The following ALG9 variants were observed in gnomAD, a reference collection of about 807,000 sequenced individuals.
The protein encoded by ALG9 is ALG9 alpha-1,2-mannosyltransferase, also known as alpha-1,2-mannosyltransferase ALG9.
In ALG9, 55 loss-of-function variants were observed where a neutral mutation model predicts 81.8. The ratio of observed to expected loss-of-function variants is 0.67; its 90% CI spans 0.54 to 0.84. The LOEUF (loss-of-function observed/expected upper bound fraction) is 0.84. Ranked by LOEUF, ALG9 falls within the 40% of genes least tolerant of loss-of-function variation. The pLI is 0.00. For synonymous variants in ALG9, 278 were observed against 274.3 expected, an observed-to-expected ratio of 1.01 and a Z score of -0.13; for missense variants, 629 against 745.0, an observed-to-expected ratio of 0.84 and a Z score of 1.81.
chr11:111,840,847 T>G, intron 9 of ALG9, 38 bp from the exon 10 acceptor site: 1 of 1,611,146 alleles, frequency 6.2e-7, no homozygotes. Context: ...TTCATTATAT[T>G]AGAACAAAAC....
downstream of ALG9, chr11:111,782,103 G>A (rs187800519): frequency 1.2e-3 from 178 of 152,354 alleles, no homozygotes; most frequent in African/African-American, 4.1e-3. Context: ...TAGGGCTGGA[G>A]TCAGGGAGAA....
chr11:111,829,752 C>T (rs1245909556), intron 13 of ALG9, among the ~76,000 whole-genome samples: 1 of 152,160 alleles, frequency 6.6e-6, no homozygotes, highest in South Asian at 2.1e-4. Flanking sequence ...GTAACAGAAA[C>T]TTTGTCAGGG....
At chr11:111,779,992 G>A (rs1945840470), downstream of ALG9, among the ~76,000 whole-genome samples, 1 of 152,186 alleles carries the variant, frequency 6.6e-6, no homozygotes, top group Non-Finnish European at 1.5e-5. Context: ...ATCCACAGCT[G>A]AAGAGAGCCA....
intron 13 of ALG9, among the ~76,000 whole-genome samples, chr11:111,821,885 C>T (rs907871495): frequency 3.9e-5 from 6 of 152,210 alleles, no homozygotes; most frequent in Middle Eastern, 3.4e-3. Flanking sequence ...CCGCCTGCCT[C>T]GGCCTCCGAA....
chr11:111,826,003 T>G (rs1555108044), intron 13 of ALG9, among the ~76,000 whole-genome samples: 2 of 150,976 alleles, frequency 1.3e-5, no homozygotes, highest in African/African-American at 4.9e-5. Flanking sequence ...GAGGCAGAGG[T>G]TGCGGTGAGC....
intron 13 of ALG9, among the ~76,000 whole-genome samples, chr11:111,834,508 A>G (rs1954905009): frequency 6.6e-6 from 1 of 152,254 alleles, no homozygotes; most frequent in Admixed American, 6.5e-5. Context: ...ATCAAATATC[A>G]TAATTCCAAA....
At position 111,791,413 on chromosome 11, in the gene ALG9, T is replaced by C. The variant is rs1341219512; in HGVS notation, c.1734-4893A>G. On this transcript the variant is annotated intron_variant, in intron 14 of 14. Coordinates refer to ENST00000616540, the MANE Select transcript of ALG9 (RefSeq NM_024740.2). ...CATTTAATAAACATGTAGCACATCA[T>C]TTCATTTTATTCATCCAATATTCCA... Among the ~76,000 whole-genome samples the C allele has an allele frequency of 4.6e-5, 7 of 152,200 alleles. No individual in the cohort carries two copies. In the East Asian group the frequency reaches 1.3e-3, roughly 29 times the overall value.
At chr11:111,817,640 G>C (rs1175052227) in intron 13 of ALG9, 1 of 152,104 alleles carries the variant, frequency 6.6e-6, no homozygotes, top group East Asian at 1.9e-4. Flanking sequence ...ATTTTGTAGA[G>C]TCAGGGTTTC....
chr11:111,781,017 T>A (rs1945904048), downstream of ALG9, among the ~76,000 whole-genome samples: 1 of 152,162 alleles, frequency 6.6e-6, no homozygotes, highest in African/African-American at 2.4e-5. Context: ...GAAAGCCTTC[T>A]TAGAAAAAGG....
rs78761830 is a variant in ALG9 at position 111,858,727 on chromosome 11, A to C, written c.566-990T>G. ...TCTTCTGCTGCAGAAAGTCTGAATCAGTAGGGAAGAAAAATCAGTATCAAC... is the reference window on the plus strand; with the variant it reads ...TCTTCTGCTGCAGAAAGTCTGAATCCGTAGGGAAGAAAAATCAGTATCAAC... On this transcript the variant is annotated intron_variant, in intron 5 of 14. Transcript: ENST00000616540. Among the ~76,000 whole-genome samples, 1,013 of 152,350 alleles carry C rather than the reference A, an allele frequency of 6.6e-3. 9 individuals carry two copies. Among genetic ancestry groups the C allele is most frequent in the Non-Finnish European group, 9.8e-3 (667 of 68,034 alleles).
chr11:111,865,951 C>T (rs1329667786), intron 3 of ALG9, among the ~76,000 whole-genome samples: 3 of 152,080 alleles, frequency 2.0e-5, no homozygotes, highest in Admixed American at 2.0e-4. Context: ...CTACAGAATA[C>T]CATATGGTTA....
In ALG9 at chr11:111,836,217, C is replaced by T. The variant is rs782004306; in HGVS notation, c.1550G>A (p.Arg517Gln). 7.4e-6 allele frequency: 12 copies of T among 1,613,802 alleles called. No homozygotes were observed. The highest frequency in any genetic ancestry group is 2.2e-5 in the South Asian group (2 of 91,058). ...KPFAEGPLAT[R>Q]IVPTDMNDQN... Reference sequence around the variant, plus strand: ...GTCATTCATGTCAGTAGGAACAATCCGGGTGGCCAGAGGTCCTTCTGCAAA... The same window carrying T: ...GTCATTCATGTCAGTAGGAACAATCTGGGTGGCCAGAGGTCCTTCTGCAAA... The change falls in exon 13 of 15, where the codon CGG becomes CAG. Residue 517 changes from arginine (R) to glutamine (Q), a missense_variant. Coordinates refer to ENST00000616540, the MANE Select transcript of ALG9 (RefSeq NM_024740.2).
chr11:111,840,790 C>A lies in ALG9; in HGVS notation c.1038G>T (p.Pro346=), dbSNP rs372262029. ...ACATTGGAGCCAAGGTAAGCCAATA[C>A]GGGTGGCCTAAATTCTGAACTGCAA... ...QRFHVQNLGH[P]YWLTLAPMYI... The change falls in exon 10 of 15, where the codon CCG becomes CCT. Residue 346 remains proline, a synonymous_variant. Transcript: ENST00000616540. The A allele has an allele frequency of 6.2e-7, 1 of 1,614,048 alleles. No homozygotes were observed. The highest frequency in any genetic ancestry group is 1.7e-5 in the Admixed American group (1 of 60,012).
chr11:111,826,631 A>C (rs1407338675), intron 13 of ALG9, among the ~76,000 whole-genome samples: 4 of 152,076 alleles, frequency 2.6e-5, no homozygotes, highest in African/African-American at 9.7e-5. Context: ...TGATTTTTCA[A>C]TTATCAAATA....
At chr11:111,825,192 G>A (rs1555107245) in intron 13 of ALG9, among the ~76,000 whole-genome samples, 1 of 152,148 alleles carries the variant, frequency 6.6e-6, no homozygotes, top group African/African-American at 2.4e-5. Context: ...GTTTGGGGAG[G>A]CCTCTCTTTA....
intron 6 of ALG9, among the ~76,000 whole-genome samples, chr11:111,855,715 G>A (rs1958556411): frequency 6.6e-6 from 1 of 152,146 alleles, no homozygotes; most frequent in Admixed American, 6.5e-5. Context: ...AAGCTCAAGA[G>A]AGATAACTGG....
the ALG9 span, among the ~76,000 whole-genome samples, chr11:111,772,282 C>T: frequency 3.3e-5 from 5 of 152,100 alleles, no homozygotes; most frequent in East Asian, 1.9e-4. Context: ...AAAAATTAGC[C>T]GGGCACAGAG....
chr11:111,814,416 G>A (rs782774804), intron 13 of ALG9, among the ~76,000 whole-genome samples: 1 of 152,132 alleles, frequency 6.6e-6, no homozygotes, highest in Non-Finnish European at 1.5e-5. Flanking sequence ...AAGGAATTCT[G>A]GGGGAGCTCC....
intron 13 of ALG9, among the ~76,000 whole-genome samples, chr11:111,813,989 G>GT (rs1435521404): frequency 1.3e-5 from 2 of 152,150 alleles, no homozygotes; most frequent in Non-Finnish European, 2.9e-5. Context: ...ATTATTTGAT[G>GT]TTTGAGCCAC....
Sources: gnomAD v4.1 joint callset for allele counts (sites outside exome capture counted in the v4.1 genomes callset) on GRCh38, gnomAD v4.1.1 for gene constraint, MANE v1.5 for transcripts, NCBI Gene and HGNC (gene_info 2026-07-23, HGNC 2026-07-21) for gene names.